HDAC9: variants seen among roughly 807,000 people sequenced by gnomAD.
HDAC9 encodes the protein histone deacetylase 9.
HDAC9 carries 41 observed loss-of-function variants against 139.4 expected under a neutral mutation model. The observed-to-expected ratio is 0.29, with a 90% confidence interval of 0.23 to 0.38. HDAC9 has a LOEUF of 0.38. Among genes scored for constraint, HDAC9 ranks in the 10% least tolerant of loss-of-function variants. HDAC9 has a pLI of 1.00. For synonymous variants in HDAC9, 517 were observed against 476.2 expected (o/e 1.09, Z -1.12); for missense variants, 1,147 against 1,297.0 (o/e 0.88, Z 1.78).
intron 14 of HDAC9, among the ~76,000 whole-genome samples, chr7:18,755,509 A>G (rs1437289450): frequency 6.6e-6 from 1 of 152,192 alleles, no homozygotes; most frequent in Non-Finnish European, 1.5e-5. Context: ...TGTTTCATAC[A>G]TGATGACCAG....
intron 22 of HDAC9, among the ~76,000 whole-genome samples, chr7:18,918,512 T>C (rs1468126601): frequency 6.6e-6 from 1 of 152,084 alleles, no homozygotes; most frequent in East Asian, 1.9e-4. Flanking sequence ...AGGTTAAGAA[T>C]AGACATAAGA....
intron 2 of HDAC9, among the ~76,000 whole-genome samples, chr7:18,265,923 T>C (rs1385857195): frequency 6.6e-6 from 1 of 152,202 alleles, no homozygotes; most frequent in Non-Finnish European, 1.5e-5. Flanking sequence ...GATTATTCTA[T>C]AATACCACAC....
At chr7:18,605,446 A>C (rs551170630) in intron 6 of HDAC9, among the ~76,000 whole-genome samples, 57 of 152,226 alleles carry the variant, frequency 3.7e-4, no homozygotes, top group Middle Eastern at 3.4e-3. Context: ...TCCCTTGGAG[A>C]GTAGGCTGTT....
rs1056957587 is a variant in HDAC9, at chr7:18,119,663, G to A, written c.-97+32450G>A. Among the ~76,000 whole-genome samples, 23 of 152,286 alleles carry A rather than the reference G, an allele frequency of 1.5e-4. 1 individual carries two copies. The highest frequency in any genetic ancestry group is 1.2e-3 in the Admixed American group (19 of 15,296). On this transcript the variant is annotated intron_variant, in intron 1 of 12. Coordinates refer to the HDAC9 transcript ENST00000417496. ...TGAATAGACACTGGAAAATCTGACT[G>A]TCTAATTTGGATTTTCCCAATATAC...
intron 1 of HDAC9, among the ~76,000 whole-genome samples, chr7:18,112,693 C>T (rs956503075): frequency 1.4e-4 from 21 of 152,058 alleles, no homozygotes; most frequent in African/African-American, 4.8e-4. Flanking sequence ...TGCTGTATCT[C>T]CTTTATTTTA....
intron 2 of HDAC9, among the ~76,000 whole-genome samples, chr7:18,225,471 T>C (rs1290500356): frequency 1.3e-5 from 2 of 152,208 alleles, no homozygotes; most frequent in Non-Finnish European, 2.9e-5. Flanking sequence ...AAGGAAGCTA[T>C]TGACATATAA....
At chr7:18,982,662 A>G (rs1454614749) in intron 25 of HDAC9, among the ~76,000 whole-genome samples, 1 of 152,126 alleles carries the variant, frequency 6.6e-6, no homozygotes, top group Admixed American at 6.6e-5. Context: ...AGAGGTAACT[A>G]CCGTTTTACT....
intron 12 of HDAC9, chr7:18,667,206 C>CAAAAA: frequency 1.0e-6 from 1 of 985,152 alleles, no homozygotes; most frequent in Non-Finnish European, 1.2e-6. Context: ...TTTGATGACA[C>CAAAAA]TGTCTATCAA....
At chr7:18,459,076 G>A (rs562334617) in intron 1 of HDAC9, among the ~76,000 whole-genome samples, 13 of 152,164 alleles carry the variant, frequency 8.5e-5, no homozygotes, top group Non-Finnish European at 1.6e-4. Flanking sequence ...GTTCGGAGTT[G>A]GCATGAGTCA....
chr7:18,268,353 A>T (rs1357903764), intron 2 of HDAC9, among the ~76,000 whole-genome samples: 1 of 152,110 alleles, frequency 6.6e-6, no homozygotes, highest in African/African-American at 2.4e-5. Flanking sequence ...TACCTGTAAT[A>T]TTTAGCACAT....
intron 13 of HDAC9, among the ~76,000 whole-genome samples, chr7:18,740,257 C>T (rs1387321136): frequency 3.9e-5 from 6 of 152,176 alleles, no homozygotes; most frequent in Non-Finnish European, 7.4e-5. Context: ...TGCTTCAGCT[C>T]GCCCTCCGTG....
At chr7:18,444,341 GAAAAAAAAAAA>G (rs754142568) in intron 1 of HDAC9, among the ~76,000 whole-genome samples, 27 of 35,174 alleles carry the variant, frequency 7.7e-4, no homozygotes, top group Middle Eastern at 0.017. Flanking sequence ...GACCCTGTCT[GAAAAAAAAAAA>G]AAAAAAAAAA....
At chr7:18,361,613 GA>G (rs1458002128) in intron 1 of HDAC9, among the ~76,000 whole-genome samples, 1 of 151,916 alleles carries the variant, frequency 6.6e-6, no homozygotes, top group Non-Finnish European at 1.5e-5. Flanking sequence ...TCTTTCTTTA[GA>G]AACATTTTAA....
chr7:18,201,541 G>C (rs1379178452), intron 2 of HDAC9, among the ~76,000 whole-genome samples: 3 of 152,122 alleles, frequency 2.0e-5, no homozygotes, highest in Non-Finnish European at 4.4e-5. Flanking sequence ...TCATCTGCAG[G>C]GCCCACCCTC....
intron 2 of HDAC9, among the ~76,000 whole-genome samples, chr7:18,269,053 A>C (rs1796179418): frequency 6.6e-6 from 1 of 152,188 alleles, no homozygotes; most frequent in East Asian, 1.9e-4. Flanking sequence ...GATTTCCATC[A>C]TTATGATGAG....
intron 19 of HDAC9, among the ~76,000 whole-genome samples, chr7:18,834,376 A>C (rs2129209765): frequency 6.6e-6 from 1 of 150,536 alleles, no homozygotes; most frequent in Non-Finnish European, 1.5e-5. Context: ...ATATTAATTG[A>C]GGTGTTTTTT....
At chr7:18,439,166 G>A (rs1297303411) in intron 1 of HDAC9, among the ~76,000 whole-genome samples, 1 of 152,072 alleles carries the variant, frequency 6.6e-6, no homozygotes, top group African/African-American at 2.4e-5. Context: ...GATCATCCCA[G>A]AGAATCAAAA....
chr7:18,419,337 G>A (rs532870746), intron 1 of HDAC9, among the ~76,000 whole-genome samples: 5 of 152,236 alleles, frequency 3.3e-5, no homozygotes, highest in African/African-American at 1.2e-4. Context: ...ATTTGAAGTA[G>A]CCACAATTAT....
At chr7:18,567,863 C>A (rs1822899319) in intron 2 of HDAC9, among the ~76,000 whole-genome samples, 1 of 151,708 alleles carries the variant, frequency 6.6e-6, no homozygotes, top group African/African-American at 2.4e-5. Flanking sequence ...TTAAAACATT[C>A]AGAATAAACT....
Sources: gnomAD v4.1 joint callset for allele counts (sites outside exome capture counted in the v4.1 genomes callset) on GRCh38, gnomAD v4.1.1 for gene constraint, MANE v1.5 for transcripts, NCBI Gene and HGNC (gene_info 2026-07-23, HGNC 2026-07-21) for gene names.